Variants in KYNU observed in about 807,000 individuals in gnomAD.
KYNU encodes the protein kynureninase.
A neutral mutation model predicts 59.2 loss-of-function variants in KYNU; 54 were observed. The observed-to-expected ratio is 0.91, with a 90% CI of 0.73 to 1.14. The LOEUF is 1.14. Ranked by LOEUF, KYNU falls within the 50% of genes most tolerant of loss-of-function variation. KYNU has a pLI of 0.00. For synonymous variants in KYNU, 177 were observed against 192.0 expected, an observed-to-expected ratio of 0.92 and a Z score of 0.65; for missense variants, 567 against 554.4, an observed-to-expected ratio of 1.02 and a Z score of -0.23.
At chr2:142,935,119 T>G (rs1202025031) in intron 4 of KYNU, among the ~76,000 whole-genome samples, 2 of 152,340 alleles carry the variant, frequency 1.3e-5, no homozygotes, top group East Asian at 3.9e-4. Context: ...AGGGCCGTCA[T>G]CAAGCTTCTG....
At chr2:142,902,744 A>C (rs981201524) in intron 2 of KYNU, among the ~76,000 whole-genome samples, 1 of 152,226 alleles carries the variant, frequency 6.6e-6, no homozygotes, top group Non-Finnish European at 1.5e-5. Context: ...ACAGGCAGCT[A>C]GAAGTAGATT....
chr2:142,971,564 C>T (rs556701458), intron 8 of KYNU, among the ~76,000 whole-genome samples: 2 of 152,290 alleles, frequency 1.3e-5, no homozygotes, highest in African/African-American at 2.4e-5. Flanking sequence ...CTTATAATTA[C>T]TTCTATGCCT....
rs12473966 is a variant in KYNU, at chr2:142,899,594, A to T, written c.169+14058A>T. On this transcript the variant is annotated intron_variant, in intron 2 of 13. Transcript: ENST00000264170. ...ATTGGGGCATAGTAGGGGTCGTGCA[A>T]TTGAGATTTCCTCAGGAGGAGTGCC... Among the ~76,000 whole-genome samples the T allele has an allele frequency of 4.0e-3, 607 of 152,076 alleles. 2 individuals carry two copies. Among genetic ancestry groups the T allele is most frequent in the African/African-American group, 0.013 (544 of 41,484 alleles).
chr2:142,956,537 C>G (rs1232674004), intron 6 of KYNU, among the ~76,000 whole-genome samples: 1 of 152,150 alleles, frequency 6.6e-6, no homozygotes, highest in Non-Finnish European at 1.5e-5. Context: ...AACCACTGCT[C>G]TAAATCAAGT....
At chr2:142,999,831 A>C (rs553138619) in intron 10 of KYNU, among the ~76,000 whole-genome samples, 80 of 152,208 alleles carry the variant, frequency 5.3e-4, no homozygotes, top group Non-Finnish European at 7.8e-4. Context: ...TAAGACAGAA[A>C]TCTCATCTTC....
intron 10 of KYNU, among the ~76,000 whole-genome samples, chr2:143,019,966 A>C (rs775453719): frequency 1.3e-5 from 2 of 151,996 alleles, no homozygotes; most frequent in East Asian, 3.9e-4. Flanking sequence ...CTGTGGTATC[A>C]GTTGTAATAT....
At position 143,054,398 on chromosome 2, in the gene KYNU, T is replaced by C. The variant is rs559966600; in HGVS notation, c.*12226T>C. ...TCTTTATAGGAAATTACAGATAATA[T>C]TTGATGAAGAAAATCGAATATAATC... On this transcript the variant is annotated 3_prime_UTR_variant, in exon 14 of 14. Coordinates refer to ENST00000264170, the MANE Select transcript of KYNU (RefSeq NM_003937.3). 1.2e-4 allele frequency: 18 copies of C among 152,300 alleles called. No individual in the cohort carries two copies. Among genetic ancestry groups the C allele is most frequent in the Admixed American group, 3.9e-4 (6 of 15,302 alleles). The allele number at this position is 152,300 out of a possible 1,614,324, so 9.4% of individuals were successfully genotyped here.
intron 2 of KYNU, among the ~76,000 whole-genome samples, chr2:142,913,891 A>G (rs1044175970): frequency 1.3e-5 from 2 of 152,186 alleles, no homozygotes; most frequent in Non-Finnish European, 2.9e-5. Context: ...TGCTATGTAT[A>G]TATTTAGGAT....
intron 10 of KYNU, among the ~76,000 whole-genome samples, chr2:142,994,767 A>G: frequency 6.6e-6 from 1 of 152,052 alleles, no homozygotes; most frequent in Non-Finnish European, 1.5e-5. Context: ...CCAAGAAAGT[A>G]TTTTTTAAAT....
chr2:142,947,715 T>A (rs894047607), intron 4 of KYNU: 2 of 154,412 alleles, frequency 1.3e-5, no homozygotes, highest in Non-Finnish European at 2.9e-5. Context: ...TTGGCAATGA[T>A]TACAGTTTGC....
chr2:142,888,021 ATTAT>A (rs1159414914), intron 2 of KYNU, among the ~76,000 whole-genome samples: 2 of 152,234 alleles, frequency 1.3e-5, no homozygotes, highest in Admixed American at 6.5e-5. Flanking sequence ...TAGTATCCTA[ATTAT>A]AGGTATAATA....
intron 4 of KYNU, among the ~76,000 whole-genome samples, chr2:142,952,771 T>A (rs1684033523): frequency 6.6e-6 from 1 of 152,204 alleles, no homozygotes; most frequent in Non-Finnish European, 1.5e-5. Context: ...GAAAGCCTCC[T>A]TTTTCCTGCC....
chr2:142,976,473 A>G (rs1684885758), intron 8 of KYNU, among the ~76,000 whole-genome samples: 1 of 152,156 alleles, frequency 6.6e-6, no homozygotes, highest in Admixed American at 6.5e-5. Flanking sequence ...ATTGACACAA[A>G]TACAGTCATT....
chr2:143,016,387 C>T (rs963270445), intron 10 of KYNU, among the ~76,000 whole-genome samples: 4 of 152,174 alleles, frequency 2.6e-5, no homozygotes, highest in African/African-American at 9.7e-5. Flanking sequence ...AAAATTCTCT[C>T]TTTCATGTAC....
At chr2:143,025,125 A>G (rs1361422722) in intron 10 of KYNU, among the ~76,000 whole-genome samples, 1 of 151,808 alleles carries the variant, frequency 6.6e-6, no homozygotes, top group East Asian at 1.9e-4. Flanking sequence ...TGTTAATCCT[A>G]TTCCTACATT....
chr2:142,983,180 G>C (rs939656383), intron 8 of KYNU, among the ~76,000 whole-genome samples: 8 of 152,024 alleles, frequency 5.3e-5, no homozygotes, highest in African/African-American at 7.2e-5. Context: ...AGGAGGGCAT[G>C]GAGGAGCAGC....
intron 10 of KYNU, among the ~76,000 whole-genome samples, chr2:143,011,223 A>T (rs1686087581): frequency 2.3e-5 from 3 of 130,816 alleles, no homozygotes; most frequent in Admixed American, 2.2e-4. Flanking sequence ...CAAGAAAAAA[A>T]CAAACAACCC....
chr2:143,012,418 G>C (rs1686132110), intron 10 of KYNU, among the ~76,000 whole-genome samples: 1 of 151,326 alleles, frequency 6.6e-6, no homozygotes, highest in Non-Finnish European at 1.5e-5. Context: ...AGGAAATGGA[G>C]GTTGCAGTGA....
intron 4 of KYNU, among the ~76,000 whole-genome samples, chr2:142,943,214 G>A (rs774680218): frequency 8.5e-5 from 13 of 152,128 alleles, no homozygotes; most frequent in Admixed American, 5.9e-4. Context: ...GCTCATGTCT[G>A]CCTGACTACC....
Sources: gnomAD v4.1 joint callset for allele counts (sites outside exome capture counted in the v4.1 genomes callset) on GRCh38, gnomAD v4.1.1 for gene constraint, MANE v1.5 for transcripts, NCBI Gene and HGNC (gene_info 2026-07-23, HGNC 2026-07-21) for gene names.